Variants in LMCD1 observed in about 807,000 individuals in gnomAD.
LMCD1 encodes LIM and cysteine rich domains 1.
Under a neutral mutation model 42.7 loss-of-function variants are expected in LMCD1, and 32 were observed. That is an observed-to-expected ratio of 0.75 (90% CI 0.57 to 1.01). The LOEUF (loss-of-function observed/expected upper bound fraction) is 1.01. Ranked by LOEUF, LMCD1 falls within the 50% of genes least tolerant of loss-of-function variation. The probability of loss-of-function intolerance (pLI) is 0.00; values close to 1 mark genes in which losing one functional copy is unlikely to be tolerated. For missense variants in LMCD1, 458 were observed against 483.1 expected, an observed-to-expected ratio of 0.95 and a Z score of 0.49; for synonymous variants, 178 against 184.9, an observed-to-expected ratio of 0.96 and a Z score of 0.30.
intron 2 of LMCD1, among the ~76,000 whole-genome samples, chr3:8,536,730 A>G (rs1426549111): frequency 6.6e-6 from 1 of 152,220 alleles, no homozygotes; most frequent in Non-Finnish European, 1.5e-5. Context: ...CTCTGTTGTA[A>G]CTACTAACTC....
chr3:8,548,951 G>A (rs111734331), intron 4 of LMCD1, 48 bp downstream of exon 4: 3 of 1,384,896 alleles, frequency 2.2e-6, no homozygotes, highest in African/African-American at 1.5e-5. Flanking sequence ...TGCAGGCCCA[G>A]GGCTGGACAG....
chr3:8,505,592 T>C (rs1052590507), intron 1 of LMCD1, among the ~76,000 whole-genome samples: 1 of 152,236 alleles, frequency 6.6e-6, no homozygotes, highest in African/African-American at 2.4e-5. Context: ...TAGGAACCTG[T>C]TCATAGTTGA....
At chr3:8,551,668 G>C (rs1428036444) in intron 4 of LMCD1, among the ~76,000 whole-genome samples, 2 of 152,160 alleles carry the variant, frequency 1.3e-5, no homozygotes, top group Non-Finnish European at 2.9e-5. Context: ...TCCTGAAAAG[G>C]GTAGCTAGAT....
chr3:8,532,896 G>T, intron 2 of LMCD1, 71 bp downstream of exon 2: 1 of 1,241,318 alleles, frequency 8.1e-7, no homozygotes, highest in Non-Finnish European at 1.2e-6. Flanking sequence ...AACCCTGGTT[G>T]CTTTCTTCGC....
Position 8,565,601 on chromosome 3 carries a change from G to A in LMCD1, c.893G>A (p.Arg298His), listed in dbSNP as rs747063865. 4 of 1,612,136 alleles carry A rather than the reference G, an allele frequency of 2.5e-6. No individual in the cohort carries two copies. The highest frequency in any genetic ancestry group is 2.2e-5 in the South Asian group (2 of 90,858). Residue 298 changes from arginine (R) to histidine (H), a missense_variant, in exon 5 of 6, where the codon CGC becomes CAC. Transcript: ENST00000157600. The part of the protein sequence containing the change: ...FWKDGAPWCG[R>H]HYCESLRPRC... ...AAGGATGGTGCACCCTGGTGCGGCC[G>A]CCATTACTGCGAGAGTCTGCGGCCC...
At chr3:8,539,890 T>C (rs929546355) in intron 3 of LMCD1, among the ~76,000 whole-genome samples, 79 of 151,250 alleles carry the variant, frequency 5.2e-4, no homozygotes, top group Non-Finnish European at 1.0e-3. Flanking sequence ...TTGTTACATA[T>C]GTATACATGT....
chr3:8,507,636 A>T (rs1693909913), intron 1 of LMCD1, among the ~76,000 whole-genome samples: 1 of 152,238 alleles, frequency 6.6e-6, no homozygotes, highest in Non-Finnish European at 1.5e-5. Flanking sequence ...GAGATGATTG[A>T]CATTTTCCTG....
At chr3:8,502,304 A>T (rs921447280) in intron 1 of LMCD1, among the ~76,000 whole-genome samples, 23 of 12,346 alleles carry the variant, frequency 1.9e-3, no homozygotes, top group East Asian at 0.017. Context: ...TATTATATAT[A>T]ATATATAAAA....
chr3:8,551,791 C>G (rs1235474298), intron 4 of LMCD1, among the ~76,000 whole-genome samples: 2 of 152,184 alleles, frequency 1.3e-5, no homozygotes, highest in African/African-American at 4.8e-5. Context: ...ATCAAGTGGA[C>G]GTGTGTGCTG....
chr3:8,553,652 T>C (rs887585746), intron 4 of LMCD1, among the ~76,000 whole-genome samples: 2 of 152,152 alleles, frequency 1.3e-5, no homozygotes, highest in Admixed American at 1.3e-4. Context: ...GGCACCTCGG[T>C]CCACTTCAGA....
At chr3:8,563,499 C>G (rs1399404908) in intron 4 of LMCD1, among the ~76,000 whole-genome samples, 1 of 152,234 alleles carries the variant, frequency 6.6e-6, no homozygotes, top group Admixed American at 6.5e-5. Context: ...AGCAGCCTCT[C>G]TCTGCCCTCT....
chr3:8,549,028 AGATATT>A, intron 4 of LMCD1, 125 bp downstream of exon 4: 1 of 689,346 alleles, frequency 1.5e-6, no homozygotes. Context: ...TGCATTCAGC[AGATATT>A]GATTGCTCAT....
intron 3 of LMCD1, among the ~76,000 whole-genome samples, chr3:8,543,366 G>A (rs1694665197): frequency 7.0e-6 from 1 of 143,714 alleles, no homozygotes; most frequent in Non-Finnish European, 1.5e-5. Flanking sequence ...AGGAGAAACT[G>A]TTTTAAACTG....
At chr3:8,563,868 C>T (rs542185623) in intron 4 of LMCD1, among the ~76,000 whole-genome samples, 2 of 152,196 alleles carry the variant, frequency 1.3e-5, no homozygotes, top group African/African-American at 2.4e-5. Flanking sequence ...CAGTTTGCCC[C>T]GTGATCTTCC....
rs355129 is a variant in LMCD1 at position 8,569,250 on chromosome 3, C to G, written c.*1652C>G. 59,913 of 152,022 alleles carry G rather than the reference C, an allele frequency of 0.39. 11,870 individuals carry two copies. The highest frequency in any genetic ancestry group is 0.51 in the Middle Eastern group (150 of 294). 9.4% of individuals were successfully genotyped at this position (152,022 alleles called of 1,614,324 possible). ...CTTCCTAAGCATGCAGAAGCTCCCT[C>G]TGATCAAGCCCTTCCCTTTGCTTTT... is the stretch of plus-strand genomic sequence containing the variant. On this transcript the variant is annotated 3_prime_UTR_variant, in exon 6 of 6. Coordinates refer to ENST00000157600, the MANE Select transcript of LMCD1 (RefSeq NM_014583.4).
At position 8,532,776 on chromosome 3, in the gene LMCD1, T is replaced by C. The variant is rs147366694; in HGVS notation, c.82T>C (p.Cys28Arg). 480 of 1,613,532 alleles carry C rather than the reference T, an allele frequency of 3.0e-4. 1 individual carries two copies. Among genetic ancestry groups the C allele is most frequent in the Non-Finnish European group, 3.9e-4 (463 of 1,179,784 alleles). Residue 28 changes from cysteine to arginine, a missense_variant, in exon 2 of 6, where the codon TGT becomes CGT. Coordinates refer to ENST00000157600, the MANE Select transcript of LMCD1 (RefSeq NM_014583.4). Reference sequence around the variant, plus strand: ...GCTGCAGTCAGCAAGAGGTGTGGCATGTTTGGGATGCAAGGGGACGTGTTC... The same window carrying C: ...GCTGCAGTCAGCAAGAGGTGTGGCACGTTTGGGATGCAAGGGGACGTGTTC... ...GQLQSARGVA[C>R]LGCKGTCSGF...
chr3:8,540,123 T>C (rs1219461778), intron 3 of LMCD1, among the ~76,000 whole-genome samples: 1 of 152,042 alleles, frequency 6.6e-6, no homozygotes, highest in Admixed American at 6.6e-5. Context: ...GAGCAAATTA[T>C]CGCAAGGACA....
chr3:8,517,308 A>G (rs1312266869), intron 1 of LMCD1, among the ~76,000 whole-genome samples: 1 of 152,262 alleles, frequency 6.6e-6, no homozygotes, highest in Non-Finnish European at 1.5e-5. Flanking sequence ...AGTTGTGTGT[A>G]TAATGTGTAT....
At position 8,548,781 on chromosome 3, in the gene LMCD1, C is replaced by T. The variant is rs150059386; in HGVS notation, c.601C>T (p.Leu201Phe). The T allele has an allele frequency of 1.9e-5, 30 of 1,611,594 alleles. No homozygotes were observed. The African/African-American group carries it at 2.7e-4, about 14-fold the overall frequency. The change falls in exon 4 of 6, where the codon CTC (leucine) becomes TTC (phenylalanine). Residue 201 changes from leucine to phenylalanine, a missense_variant. Transcript: ENST00000157600. ...GGCCCTCGGCGTGGGAGAAGTGGCC[C>T]TCCCGGGGCAGGGTGGCTTGCCCAA... ...SEALGVGEVALPGQGGLPKEE... is the reference protein window; with the variant it reads ...SEALGVGEVAFPGQGGLPKEE...
Sources: allele counts gnomAD v4.1 joint callset (sites outside exome capture counted in the v4.1 genomes callset), GRCh38; gene constraint gnomAD v4.1.1; transcripts MANE v1.5; gene names NCBI Gene and HGNC (gene_info 2026-07-23, HGNC 2026-07-21).